PCDHA9: variants seen among roughly 807,000 people sequenced by gnomAD.
PCDHA9 encodes the protein protocadherin alpha 9, also known as protocadherin alpha-9.
PCDHA9 carries 62 observed loss-of-function variants against 62.0 expected under a neutral mutation model. The observed-to-expected ratio is 1.00, with a 90% CI of 0.81 to 1.23. PCDHA9 has a LOEUF of 1.23. Among genes scored for constraint, PCDHA9 ranks in the 50% most tolerant of loss-of-function variants. The pLI, the probability that PCDHA9 is intolerant of heterozygous loss-of-function variation, is 0.00. For missense variants in PCDHA9, 1,205 were observed against 1,249.8 expected (o/e 0.96, Z 0.54); for synonymous variants, 557 against 567.6 (o/e 0.98, Z 0.27).
At position 140,850,677 on chromosome 5, in the gene PCDHA9, A is replaced by G. The variant is rs2150493410; in HGVS notation, c.2182A>G (p.Thr728Ala). ...TGTGCTGCGGTGCTCGGCGATGCCCACCGAGGGCGAGTGCGCGCCTGGCAA... is the reference window on the plus strand; with the variant it reads ...TGTGCTGCGGTGCTCGGCGATGCCCGCCGAGGGCGAGTGCGCGCCTGGCAA... ...YTVLRCSAMPTEGECAPGKPT... is the reference protein window; with the variant it reads ...YTVLRCSAMPAEGECAPGKPT... Residue 728 changes from threonine to alanine, a missense_variant, in exon 1 of 4, where the codon ACC becomes GCC. Thr to Ala is a moderately conservative substitution (Grantham distance 58). Around this residue, in one of 3 missense-constraint regions of PCDHA9, gnomAD observed 887 missense variants for 809.5 expected, o/e 1.10. Transcript: ENST00000532602. 1 of 1,598,454 alleles carries G rather than the reference A, an allele frequency of 6.3e-7. No homozygotes were observed.
chr5:140,944,472 G>C (rs1554216383), intron 1 of PCDHA9, among the ~76,000 whole-genome samples: 2 of 152,220 alleles, frequency 1.3e-5, no homozygotes, highest in Non-Finnish European at 2.9e-5. Context: ...CAGGTATGAG[G>C]CACTGGACTG....
rs781970996 is a variant in PCDHA9 at position 140,869,968 on chromosome 5, A to AT, written c.2394+19079_2394+19080insT. 5 of 1,613,220 alleles carry AT rather than the reference A, an allele frequency of 3.1e-6. No homozygotes were observed. The South Asian group carries it at 5.5e-5, about 18-fold the overall frequency. On this transcript the variant is annotated intron_variant, in intron 1 of 3. Coordinates refer to ENST00000532602, the MANE Select transcript of PCDHA9 (RefSeq NM_031857.2). ...CTTAATGTCAATTAAGCCCAATGGA[A>AT]GACACTTATTTACACTAGATCAAAA...
At chr5:140,926,708 C>T in intron 1 of PCDHA9, 2 of 896,260 alleles carry the variant, frequency 2.2e-6, no homozygotes, top group Non-Finnish European at 3.1e-6. Flanking sequence ...CCCAGCTGGC[C>T]AGCCCCGGCA....
At chr5:140,946,287 A>G (rs1484519782) in intron 1 of PCDHA9, among the ~76,000 whole-genome samples, 1 of 152,032 alleles carries the variant, frequency 6.6e-6, no homozygotes, top group African/African-American at 2.4e-5. Flanking sequence ...ATGAGATATC[A>G]CCTCACACCT....
Position 140,850,293 on chromosome 5 carries a change from G to T in PCDHA9, c.1798G>T (p.Asp600Tyr). Residue 600 changes from aspartate (D) to tyrosine (Y), a missense_variant, in exon 1 of 4, where the codon GAC becomes TAC. Asp to Tyr is a radical substitution (Grantham distance 160). Coordinates refer to ENST00000532602, the MANE Select transcript of PCDHA9 (RefSeq NM_031857.2). ...GGGGAAGGTGCGCGCAGTGGACGCC[G>T]ACTCGGGCTACAACGCGTGGCTTTC... ...VVGKVRAVDA[D>Y]SGYNAWLSYE... 6.3e-6 allele frequency: 10 copies of T among 1,596,280 alleles called. 2 individuals are homozygous for T. The highest frequency in any genetic ancestry group is 8.6e-6 in the Non-Finnish European group (10 of 1,167,618).
chr5:140,980,044 T>G (rs1249451662), intron 2 of PCDHA9, among the ~76,000 whole-genome samples: 11 of 152,258 alleles, frequency 7.2e-5, no homozygotes, highest in Non-Finnish European at 1.5e-4. Flanking sequence ...GGGTGCTATT[T>G]CTGATTCAGA....
At chr5:140,884,129 C>T (rs1554181252) in intron 1 of PCDHA9, 1 of 1,613,420 alleles carries the variant, frequency 6.2e-7, no homozygotes, top group Non-Finnish European at 8.5e-7. Context: ...CGCGCGCATC[C>T]CGTTCCGCGT....
intron 1 of PCDHA9, among the ~76,000 whole-genome samples, chr5:140,924,669 C>T (rs2081944464): frequency 6.6e-6 from 1 of 151,998 alleles, no homozygotes; most frequent in African/African-American, 2.4e-5. Flanking sequence ...CCGAGGCAGG[C>T]CAATCACTTG....
intron 1 of PCDHA9, among the ~76,000 whole-genome samples, chr5:140,950,807 A>G (rs2094520743): frequency 6.6e-6 from 1 of 152,104 alleles, no homozygotes; most frequent in African/African-American, 2.4e-5. Context: ...TGGTTTTACC[A>G]TAGTAGGGTT....
chr5:140,969,704 T>G (rs1317094729), intron 1 of PCDHA9, among the ~76,000 whole-genome samples: 10 of 152,172 alleles, frequency 6.6e-5, no homozygotes, highest in African/African-American at 2.4e-4. Flanking sequence ...TGCTGTATCA[T>G]CTACAGGGAA....
chr5:141,002,120 T>C (rs1416494483), intron 3 of PCDHA9, among the ~76,000 whole-genome samples: 1 of 152,250 alleles, frequency 6.6e-6, no homozygotes, highest in African/African-American at 2.4e-5. Context: ...CTATAATCAT[T>C]TAATAGCCTT....
chr5:140,901,244 T>C (rs1166862455), intron 1 of PCDHA9, among the ~76,000 whole-genome samples: 3 of 152,212 alleles, frequency 2.0e-5, no homozygotes, highest in Non-Finnish European at 4.4e-5. Context: ...TTTTTTCCTT[T>C]GGTTCCCTGT....
chr5:140,912,227 C>T (rs1422799663), intron 1 of PCDHA9, among the ~76,000 whole-genome samples: 1 of 151,784 alleles, frequency 6.6e-6, no homozygotes, highest in Non-Finnish European at 1.5e-5. Flanking sequence ...TTTCCCAGTC[C>T]ACTGACTCAA....
intron 1 of PCDHA9, chr5:140,853,549 T>C: frequency 1.0e-6 from 1 of 979,350 alleles, no homozygotes; most frequent in South Asian, 4.8e-5. Flanking sequence ...TTGTAATTAC[T>C]ATATAGGAAA....
At chr5:140,959,230 A>C (rs776449475) in intron 1 of PCDHA9, among the ~76,000 whole-genome samples, 13 of 152,092 alleles carry the variant, frequency 8.5e-5, no homozygotes, top group Non-Finnish European at 1.0e-4. Context: ...TACAAAAATT[A>C]TCTGGGCATG....
intron 3 of PCDHA9, among the ~76,000 whole-genome samples, chr5:140,991,894 C>T (rs1426754578): frequency 6.6e-6 from 1 of 152,164 alleles, no homozygotes; most frequent in Non-Finnish European, 1.5e-5. Context: ...AACAAATTAA[C>T]ACAAAATCCC....
In PCDHA9 at chr5:141,006,613, A is replaced by G. The variant is rs543043401; in HGVS notation, c.2543-3014A>G. 2.0e-5 allele frequency among the ~76,000 whole-genome samples: 3 copies of G among 152,308 alleles called. No individual in the cohort carries two copies. In the South Asian group the frequency reaches 6.2e-4, roughly 32 times the overall value. Reference sequence around the variant, plus strand: ...AGCAAAAGTGGAAGCAGACTGAATAAGGAGACTATTGCTGCAATTCATATA... The same window carrying G: ...AGCAAAAGTGGAAGCAGACTGAATAGGGAGACTATTGCTGCAATTCATATA... On this transcript the variant is annotated intron_variant, in intron 3 of 3. Coordinates refer to ENST00000532602, the MANE Select transcript of PCDHA9 (RefSeq NM_031857.2).
chr5:140,953,075 A>G (rs1208986278), intron 1 of PCDHA9, among the ~76,000 whole-genome samples: 4 of 152,190 alleles, frequency 2.6e-5, no homozygotes, highest in Admixed American at 2.6e-4. Context: ...CATCTCCAAC[A>G]TTGGGGATTA....
intron 1 of PCDHA9, chr5:140,877,281 T>TA (rs782748230): frequency 8.7e-6 from 14 of 1,613,708 alleles, no homozygotes; most frequent in Non-Finnish European, 1.2e-5. Context: ...ACTCCGGCTA[T>TA]AACGCTTGGC....
Sources: gnomAD v4.1 joint callset for allele counts (sites outside exome capture counted in the v4.1 genomes callset) on GRCh38, gnomAD v4.1.1 for gene constraint, gnomAD v4.1.1 regional missense constraint, MANE v1.5 for transcripts, NCBI Gene and HGNC (gene_info 2026-07-23, HGNC 2026-07-21) for gene names.